TP53BP2: variants seen among roughly 807,000 people sequenced by gnomAD.
TP53BP2 encodes apoptosis-stimulating of p53 protein 2.
In TP53BP2, 62 loss-of-function variants were observed where a neutral mutation model predicts 126.2. That is an observed-to-expected ratio of 0.49 (90% CI 0.40 to 0.61). The LOEUF (loss-of-function observed/expected upper bound fraction) is 0.61, where lower values mean the gene tolerates loss of function less well. TP53BP2 is among the 20% of genes least tolerant of loss of function. The pLI, the probability that TP53BP2 is intolerant of heterozygous loss-of-function variation, is 0.00. For synonymous variants in TP53BP2, 485 were observed against 502.9 expected, an observed-to-expected ratio of 0.96 and a Z score of 0.48; for missense variants, 1,215 against 1,402.8, an observed-to-expected ratio of 0.87 and a Z score of 2.14.
chr1:223,808,306 T>C (rs1018947430), intron 4 of TP53BP2, among the ~76,000 whole-genome samples: 1 of 141,218 alleles, frequency 7.1e-6, no homozygotes, highest in Non-Finnish European at 1.5e-5. Flanking sequence ...GTGGATCACC[T>C]GAGGTCAGTG....
At chr1:223,793,246 T>G (rs1284852343) in intron 14 of TP53BP2, 57 bp downstream of exon 14, 1 of 1,319,832 alleles carries the variant, frequency 7.6e-7, no homozygotes, top group African/African-American at 1.5e-5. Flanking sequence ...TACTCTAGCC[T>G]GGATGACAGA....
At chr1:223,800,199 G>GCCGGGCGCGGTGGCTCACGCCTGTAATCC in intron 10 of TP53BP2, 152 bp from the exon 11 acceptor site, 1 of 765,360 alleles carries the variant, frequency 1.3e-6, no homozygotes, top group Non-Finnish European at 2.0e-6. Flanking sequence ...GATAACCCAA[G>GCCGGGCGCGGTGGCTCACGCCTGTAATCC]CACTATAATG....
intron 1 of TP53BP2, among the ~76,000 whole-genome samples, chr1:223,821,977 C>T (rs889229619): frequency 6.6e-6 from 1 of 151,850 alleles, no homozygotes; most frequent in Non-Finnish European, 1.5e-5. Context: ...CTGCAACATC[C>T]GCCTCCCGAG....
intron 11 of TP53BP2, among the ~76,000 whole-genome samples, 156 bp downstream of exon 11, chr1:223,799,743 G>C (rs561664131): frequency 2.6e-5 from 4 of 152,164 alleles, no homozygotes; most frequent in Non-Finnish European, 4.4e-5. Context: ...ACAGACTCAC[G>C]CAAGAGAAAT....
At chr1:223,788,874 G>A in intron 16 of TP53BP2, 134 bp downstream of exon 16, 1 of 827,162 alleles carries the variant, frequency 1.2e-6, no homozygotes, top group Non-Finnish European at 1.9e-6. Flanking sequence ...GACCAAGGCT[G>A]TTGTATTTTC....
rs149043834 is a variant in TP53BP2 at position 223,804,181 on chromosome 1, C to A, written c.642G>T (p.Gly214=). 8.1e-6 allele frequency: 13 copies of A among 1,597,274 alleles called. No individual in the cohort carries two copies. The African/African-American group carries it at 1.6e-4, about 20-fold the overall frequency. The part of the protein sequence containing the change: ...GHVEQKRLSN[G]KLVEEIEQMN... The stretch of plus-strand genomic sequence containing the variant: ...CTATGAGGAACAACTCACCAAGTTT[C>A]CCATTGCTTAGTCTCTTCTGTTCCA... The change falls in exon 6 of 18, where the codon GGG becomes GGT. Residue 214 remains glycine (G), a synonymous_variant. Coordinates refer to ENST00000343537, the MANE Select transcript of TP53BP2 (RefSeq NM_001031685.3).
chr1:223,806,391 C>T (rs568820236), intron 5 of TP53BP2, among the ~76,000 whole-genome samples: 1 of 152,202 alleles, frequency 6.6e-6, no homozygotes, highest in South Asian at 2.1e-4. Flanking sequence ...AAAGAGAGCA[C>T]AAAGAGAGCA....
In TP53BP2 at chr1:223,802,250, C is replaced by A. The variant is rs753187934; in HGVS notation, c.1091G>T (p.Arg364Leu). 1.2e-6 allele frequency: 2 copies of A among 1,614,152 alleles called. No individual in the cohort carries two copies. Among genetic ancestry groups the A allele is most frequent in the Non-Finnish European group, 1.7e-6 (2 of 1,180,030 alleles). ...CAGCAATTCAGGCCTTGAGGGCATC[C>A]GAGGCATAGTAGACGACTGGATATA... is the stretch of plus-strand genomic sequence containing the variant. ...GPYIQSSTMP[R>L]MPSRPELLVK... The change falls in exon 9 of 18, where the codon CGG (arginine) becomes CTG (leucine). Residue 364 changes from arginine to leucine, a missense_variant. Physicochemically the swap from Arg to Leu is moderately radical, Grantham distance 102. Around this residue, in one of 4 missense-constraint regions of TP53BP2, gnomAD observed 814 missense variants for 853.0 expected, o/e 0.95. Transcript: ENST00000343537.
At chr1:223,830,364 T>C (rs1663654784) in intron 1 of TP53BP2, among the ~76,000 whole-genome samples, 1 of 152,170 alleles carries the variant, frequency 6.6e-6, no homozygotes, top group African/African-American at 2.4e-5. Context: ...TAAATTGTCT[T>C]CAATTAAAAG....
rs369135324 is a variant in TP53BP2, at chr1:223,814,218, C to T, written c.289+22G>A. On this transcript the variant is annotated intron_variant, in intron 3 of 17. Transcript: ENST00000343537. ...AAAATAAAAGCTTAAATATCTGTCA[C>T]GATTCACAGAGCACTACCTACCAAT... 35 of 1,548,436 alleles carry T rather than the reference C, an allele frequency of 2.3e-5. No individual in the cohort carries two copies. In the African/African-American group the frequency reaches 3.7e-4, roughly 16 times the overall value.
At position 223,792,291 on chromosome 1, in the gene TP53BP2, A is replaced by G. The variant is rs1039566069; in HGVS notation, c.2996+98T>C. On this transcript the variant is annotated intron_variant, in intron 15 of 17. Coordinates refer to ENST00000343537, the MANE Select transcript of TP53BP2 (RefSeq NM_001031685.3). ...AGATTACAAGCAGCTCAAGGACATA[A>G]CTGACATACTTCTTTGTCTTCCAAC... 9 of 1,378,330 alleles carry G rather than the reference A, an allele frequency of 6.5e-6. No homozygotes were observed. In the South Asian group the frequency reaches 6.9e-5, roughly 11 times the overall value. The allele number at this position is 1,378,330 out of a possible 1,614,324, so 85.4% of individuals were successfully genotyped here.
chr1:223,812,967 G>C (rs1662962888), intron 3 of TP53BP2, among the ~76,000 whole-genome samples: 1 of 152,104 alleles, frequency 6.6e-6, no homozygotes, highest in South Asian at 2.1e-4. Flanking sequence ...CAAAGTGCTG[G>C]GATTACAGGC....
At chr1:223,793,522 C>T (rs1662220011) in intron 13 of TP53BP2, 82 bp from the exon 14 acceptor site, 1 of 1,357,826 alleles carries the variant, frequency 7.4e-7, no homozygotes, top group Non-Finnish European at 9.7e-7. Context: ...AATGACTTCT[C>T]ACCTAAATTA....
chr1:223,783,068 G>A (rs1661827038), intron 17 of TP53BP2, among the ~76,000 whole-genome samples: 2 of 152,156 alleles, frequency 1.3e-5, no homozygotes, highest in African/African-American at 2.4e-5. Context: ...TAATGCCTAG[G>A]CAGTGGATCA....
chr1:223,821,832 G>A (rs1313660745), intron 1 of TP53BP2, among the ~76,000 whole-genome samples: 1 of 151,976 alleles, frequency 6.6e-6, no homozygotes, highest in Non-Finnish European at 1.5e-5. Context: ...GAGCTTGTGG[G>A]GCAGCTCTGT....
chr1:223,806,903 T>A lies in TP53BP2; in HGVS notation c.417A>T (p.Glu139Asp), dbSNP rs190220660. The A allele has an allele frequency of 1.1e-5, 18 of 1,614,088 alleles. No individual in the cohort carries two copies. The East Asian group carries it at 3.8e-4, about 34-fold the overall frequency. ...RMDLTLAELQ[E>D]MASRQQQQIE... ...TCTGTTGCTGCTGGCGAGATGCCATTTCCTGAAGTTCAGCAAGAGTCAGAT... is the reference window on the plus strand; with the variant it reads ...TCTGTTGCTGCTGGCGAGATGCCATATCCTGAAGTTCAGCAAGAGTCAGAT... The change falls in exon 5 of 18, where the codon GAA becomes GAT. Residue 139 changes from glutamate to aspartate, a missense_variant. Transcript: ENST00000343537.
Position 223,796,346 on chromosome 1 carries a change from C to T in TP53BP2, c.2193G>A (p.Leu731=), listed in dbSNP as rs149325259. 4.9e-5 allele frequency: 79 copies of T among 1,614,038 alleles called. No homozygotes were observed. Among genetic ancestry groups the T allele is most frequent in the Admixed American group, 8.3e-5 (5 of 59,996 alleles). ...DADLEALRKK[L]SNAPRPLKKR... The stretch of plus-strand genomic sequence containing the variant: ...TCTTTAGAGGCCTTGGTGCGTTAGA[C>T]AGTTTCTTTCGTAAGGCTTCTAGGT... Residue 731 remains leucine, a synonymous_variant, in exon 13 of 18, where the codon CTG becomes CTA. Transcript: ENST00000343537. This position sits in a 1 kb window ranked among gnomAD's most constrained non-coding sequence, Gnocchi z 4.2.
At chr1:223,841,843 C>T (rs1215064884) in intron 1 of TP53BP2, among the ~76,000 whole-genome samples, 1 of 151,914 alleles carries the variant, frequency 6.6e-6, no homozygotes, top group East Asian at 1.9e-4. Flanking sequence ...GATAAAATGC[C>T]ATAAACTTAG....
intron 1 of TP53BP2, among the ~76,000 whole-genome samples, chr1:223,828,005 T>C (rs1414347947): frequency 2.6e-5 from 4 of 152,226 alleles, no homozygotes; most frequent in African/African-American, 9.6e-5. Context: ...CTGTTTCATT[T>C]TGGTGAAGCA....
Sources: allele counts gnomAD v4.1 joint callset (sites outside exome capture counted in the v4.1 genomes callset), GRCh38; gene constraint gnomAD v4.1.1; regional missense constraint gnomAD v4.1.1; non-coding constraint Gnocchi (gnomAD v3.1); transcripts MANE v1.5; gene names NCBI Gene and HGNC (gene_info 2026-07-23, HGNC 2026-07-21).